The following MLF1 variants were observed in gnomAD, a reference collection of about 807,000 sequenced individuals.
The protein encoded by MLF1 is myelodysplasia-myeloid leukemia factor 1.
In MLF1, 37 loss-of-function variants were observed where a neutral mutation model predicts 38.3. The ratio of observed to expected loss-of-function variants is 0.96; its 90% CI spans 0.74 to 1.27. The LOEUF (loss-of-function observed/expected upper bound fraction) is 1.27. Among genes scored for constraint, MLF1 ranks in the 50% most tolerant of loss-of-function variants. MLF1 has a pLI of 0.00. For synonymous variants in MLF1, 95 were observed against 106.5 expected, an observed-to-expected ratio of 0.89 and a Z score of 0.66; for missense variants, 331 against 349.2, an observed-to-expected ratio of 0.95 and a Z score of 0.42.
intron 1 of MLF1, among the ~76,000 whole-genome samples, chr3:158,577,149 G>T (rs1444221663): frequency 6.6e-6 from 1 of 152,018 alleles, no homozygotes; most frequent in African/African-American, 2.4e-5. Flanking sequence ...TTACAAATTT[G>T]TATTTATTTT....
In MLF1 at chr3:158,605,284, C is replaced by G. The variant is rs561327049; in HGVS notation, c.*82C>G. On this transcript the variant is annotated 3_prime_UTR_variant, in exon 8 of 8. Transcript: ENST00000466246. ...TGGGTAATAAGCATAAGACCAATCT[C>G]TTGCTGTTAAATCAGTTCTGTCCTT... is the stretch of plus-strand genomic sequence containing the variant. 3.7e-6 allele frequency: 4 copies of G among 1,077,256 alleles called. No individual in the cohort carries two copies. In the East Asian group the frequency reaches 1.0e-4, roughly 28 times the overall value. 66.7% of individuals were successfully genotyped at this position (1,077,256 alleles called of 1,614,324 possible).
chr3:158,592,381 T>TA, intron 1 of MLF1, 53 bp from the exon 2 acceptor site: 1 of 1,497,858 alleles, frequency 6.7e-7, no homozygotes, highest in East Asian at 2.3e-5. Context: ...CCTGCCTACT[T>TA]ACTATTTAAA....
intron 5 of MLF1, among the ~76,000 whole-genome samples, chr3:158,598,692 T>G (rs1719275987): frequency 6.6e-6 from 1 of 152,174 alleles, no homozygotes; most frequent in Admixed American, 6.5e-5. Flanking sequence ...TGCTTCAAGT[T>G]GTCTCTTGCT....
At chr3:158,581,313 T>C (rs1716312391) in intron 1 of MLF1, among the ~76,000 whole-genome samples, 1 of 152,156 alleles carries the variant, frequency 6.6e-6, no homozygotes, top group African/African-American at 2.4e-5. Context: ...AAAAATCTTC[T>C]CATGCTTCCA....
chr3:158,605,446 A>C lies in MLF1; in HGVS notation c.*244A>C. On this transcript the variant is annotated 3_prime_UTR_variant, in exon 8 of 8. Transcript: ENST00000466246. The stretch of plus-strand genomic sequence containing the variant: ...ATGTAAAACTCTTTAAAACATACTA[A>C]TTTTTTAAAGCTTATATGCTTATTT... 3.2e-6 allele frequency: 1 copy of C among 314,938 alleles called. No homozygotes were observed. The highest frequency in any genetic ancestry group is 5.8e-6 in the Non-Finnish European group (1 of 171,892). 19.5% of individuals were successfully genotyped at this position (314,938 alleles called of 1,614,324 possible).
chr3:158,580,415 C>T (rs149246206), intron 1 of MLF1, among the ~76,000 whole-genome samples: 369 of 152,108 alleles, frequency 2.4e-3, no homozygotes, highest in African/African-American at 8.6e-3. Flanking sequence ...AAACAAAAAA[C>T]GACTCCCTTT....
chr3:158,574,854 A>G (rs1034729270), intron 1 of MLF1, among the ~76,000 whole-genome samples: 4 of 152,180 alleles, frequency 2.6e-5, no homozygotes, highest in African/African-American at 9.7e-5. Context: ...ACATCATACA[A>G]TTGGTAACAG....
chr3:158,597,084 A>G (rs1175374769), intron 4 of MLF1, 139 bp downstream of exon 4: 1 of 525,188 alleles, frequency 1.9e-6, no homozygotes, highest in Non-Finnish European at 3.4e-6. Context: ...CAATATTTGT[A>G]TACTTTATAA....
rs762888455 is a variant in MLF1 at position 158,592,597 on chromosome 3, T to TA, written c.195+18dup. On this transcript the variant is annotated intron_variant, in intron 2 of 7. Coordinates refer to ENST00000466246, the MANE Select transcript of MLF1 (RefSeq NM_001369783.1). ...TTCTTTGACTGTAAGTTCTTTTTTT[T>TA]AAGACAGTTAGTGAGAAGGCCCTGT... 1.3e-6 allele frequency: 2 copies of TA among 1,571,066 alleles called. No individual in the cohort carries two copies. Among genetic ancestry groups the TA allele is most frequent in the Admixed American group, 3.7e-5 (2 of 54,652 alleles).
chr3:158,583,392 C>T (rs1270993059), intron 1 of MLF1, among the ~76,000 whole-genome samples: 2 of 152,002 alleles, frequency 1.3e-5, no homozygotes, highest in Admixed American at 6.6e-5. Context: ...GACTTCCAGC[C>T]TCCAGAACTG....
At chr3:158,592,361 G>T in intron 1 of MLF1, 73 bp from the exon 2 acceptor site, 1 of 1,288,534 alleles carries the variant, frequency 7.8e-7, no homozygotes, top group Admixed American at 2.5e-5. Context: ...ATAATTATTT[G>T]TAATATTTAC....
chr3:158,592,185 TGTGGA>T (rs1187906698), intron 1 of MLF1, among the ~76,000 whole-genome samples: 2 of 152,218 alleles, frequency 1.3e-5, no homozygotes, highest in Non-Finnish European at 2.9e-5. Flanking sequence ...TTCTCCTGAA[TGTGGA>T]GTGCTTTCAT....
At position 158,604,757 on chromosome 3, in the gene MLF1, C is replaced by G. The variant is rs188741639; in HGVS notation, c.747-340C>G. Among the ~76,000 whole-genome samples, 15 of 152,240 alleles carry G rather than the reference C, an allele frequency of 9.9e-5. 1 individual carries two copies. Among genetic ancestry groups the G allele is most frequent in the Middle Eastern group, 6.8e-3 (2 of 294 alleles). On this transcript the variant is annotated intron_variant, in intron 7 of 7. Transcript: ENST00000466246. ...CACTGCAACCTCCACCTCCCAGGTTCAGGCAATCCTCCTGCTTCAGCCTCC... is the reference window on the plus strand; with the variant it reads ...CACTGCAACCTCCACCTCCCAGGTTGAGGCAATCCTCCTGCTTCAGCCTCC...
chr3:158,600,741 C>T (rs548835793), intron 6 of MLF1, among the ~76,000 whole-genome samples: 2 of 114,202 alleles, frequency 1.8e-5, no homozygotes, highest in South Asian at 3.3e-4. Flanking sequence ...ATAATTTTTA[C>T]TTAAATCATT....
chr3:158,593,928 G>GT (rs1718527402), intron 3 of MLF1, among the ~76,000 whole-genome samples: 1 of 152,120 alleles, frequency 6.6e-6, no homozygotes, highest in South Asian at 2.1e-4. Context: ...GTTTCTTAGG[G>GT]TTTTTGTGCT....
intron 1 of MLF1, among the ~76,000 whole-genome samples, chr3:158,575,632 C>G (rs551465862): frequency 6.6e-6 from 1 of 152,112 alleles, no homozygotes; most frequent in Non-Finnish European, 1.5e-5. Context: ...CATGCCCACT[C>G]TCTTTTATAT....
At chr3:158,587,852 T>A (rs186167120) in intron 1 of MLF1, among the ~76,000 whole-genome samples, 2,412 of 152,032 alleles carry the variant, frequency 0.016, 40 homozygotes, top group Non-Finnish European at 0.026. Flanking sequence ...TAGAAAAAAA[T>A]TAGCCGGGCC....
intron 1 of MLF1, among the ~76,000 whole-genome samples, chr3:158,577,000 T>C (rs908690720): frequency 6.6e-6 from 1 of 152,214 alleles, no homozygotes; most frequent in East Asian, 1.9e-4. Context: ...AAATTATTGT[T>C]GTCTCTTCTT....
At chr3:158,585,673 T>C (rs1717142370) in intron 1 of MLF1, among the ~76,000 whole-genome samples, 1 of 152,086 alleles carries the variant, frequency 6.6e-6, no homozygotes, top group Admixed American at 6.5e-5. Context: ...ATTAGTAAGC[T>C]TGGAAATTGA....
Sources: gnomAD v4.1 joint callset for allele counts (sites outside exome capture counted in the v4.1 genomes callset) on GRCh38, gnomAD v4.1.1 for gene constraint, MANE v1.5 for transcripts, NCBI Gene and HGNC (gene_info 2026-07-23, HGNC 2026-07-21) for gene names.